Variants in OMA1 observed in about 807,000 individuals in gnomAD.
The protein encoded by OMA1 is metalloendopeptidase OMA1, mitochondrial.
A neutral mutation model predicts 30.9 loss-of-function variants in OMA1; 38 were observed. The observed-to-expected ratio is 1.23, with a 90% confidence interval of 0.95 to 1.61. The LOEUF (loss-of-function observed/expected upper bound fraction) is 1.61. Ranked by LOEUF, OMA1 falls within the 40% of genes most tolerant of loss-of-function variation. OMA1 has a pLI of 0.00. For synonymous variants in OMA1, 173 were observed against 121.9 expected (o/e 1.42, Z -2.76); for missense variants, 461 against 349.2 (o/e 1.32, Z -2.55).
intron 8 of OMA1, among the ~76,000 whole-genome samples, chr1:58,487,991 A>G (rs763410875): frequency 6.6e-6 from 1 of 152,084 alleles, no homozygotes; most frequent in Non-Finnish European, 1.5e-5. Flanking sequence ...AGAATCAACT[A>G]CTGTCATTTT....
At chr1:58,541,794 GATAA>G (rs1244379684) in intron 1 of OMA1, among the ~76,000 whole-genome samples, 1 of 152,046 alleles carries the variant, frequency 6.6e-6, no homozygotes, top group Non-Finnish European at 1.5e-5. Flanking sequence ...ATCTGTTCAT[GATAA>G]ATAAAACTCA....
At chr1:58,523,285 C>T (rs1423292917) in intron 7 of OMA1, among the ~76,000 whole-genome samples, 1 of 152,222 alleles carries the variant, frequency 6.6e-6, no homozygotes, top group Non-Finnish European at 1.5e-5. Flanking sequence ...TGGTCACGCA[C>T]AACATCTGGA....
Position 58,534,054 on chromosome 1 carries a change from G to T in OMA1, c.910C>A (p.Gln304Lys), listed in dbSNP as rs1371564544. The change falls in exon 5 of 9, where the codon CAA becomes AAA. Residue 304 changes from glutamine (Q) to lysine (K), a missense_variant. Gln to Lys is a moderately conservative substitution (Grantham distance 53). Transcript: ENST00000371226. ...AAAAATCCAGTGAAAACAAACATTT[G>T]TCCATTCTGCACCACAAAGAAAATA... ...IINAFVLPNG[Q>K]MFVFTGFLNS... is the part of the protein sequence containing the mutation. 1.1e-6 allele frequency: 1 copy of T among 870,378 alleles called. No homozygotes were observed. Among genetic ancestry groups the T allele is most frequent in the Non-Finnish European group, 2.0e-6 (1 of 501,136 alleles). The allele number at this position is 870,378 out of a possible 1,614,324, so 53.9% of individuals were successfully genotyped here. A position where few individuals can be genotyped will look rare whatever the true frequency, so the allele number is the denominator to read the frequency against.
chr1:58,512,596 A>G (rs1646096601), intron 7 of OMA1, among the ~76,000 whole-genome samples: 1 of 152,228 alleles, frequency 6.6e-6, no homozygotes, highest in South Asian at 2.1e-4. Flanking sequence ...CATATGCAAC[A>G]ATACGGATAA....
chr1:58,536,680 T>C lies in OMA1; in HGVS notation c.562A>G (p.Ile188Val), dbSNP rs199814412. The C allele has an allele frequency of 2.3e-5, 20 of 872,730 alleles. No homozygotes were observed. Among genetic ancestry groups the C allele is most frequent in the Non-Finnish European group, 3.6e-5 (18 of 501,624 alleles). The allele number at this position is 872,730 out of a possible 1,614,324, so 54.1% of individuals were successfully genotyped here. ...AATAGCTTCCATTTATTCTTCCTTA[T>C]ATTTTCTTTAACTACTTCCTTCTTG... ...PNKKEVVKEN[I>V]RKNKWKLFLG... Residue 188 changes from isoleucine to valine, a missense_variant, in exon 3 of 9, where the codon ATA becomes GTA. By Grantham distance (29) the Ile-to-Val change is conservative (BLOSUM62 3). Coordinates refer to ENST00000371226, the MANE Select transcript of OMA1 (RefSeq NM_145243.5).
chr1:58,512,864 T>C (rs1200432709), intron 7 of OMA1, among the ~76,000 whole-genome samples: 4 of 152,090 alleles, frequency 2.6e-5, no homozygotes, highest in African/African-American at 9.7e-5. Context: ...TGTTGTAAAA[T>C]TATAAATTTA....
Position 58,526,191 on chromosome 1 carries a change from A to G in OMA1, c.1215+1070T>C, listed in dbSNP as rs902794572. On this transcript the variant is annotated intron_variant, in intron 7 of 8. Transcript: ENST00000371226. The stretch of plus-strand genomic sequence containing the variant: ...AAATTAGGAAATTCTTAATACAGCC[A>G]ATCTGTGGCCCCCTTATGTGGGAAC... Among the ~76,000 whole-genome samples the G allele has an allele frequency of 2.6e-5, 4 of 152,094 alleles. No homozygotes were observed. In the South Asian group the frequency reaches 8.3e-4, roughly 31 times the overall value.
chr1:58,530,304 G>C (rs1187411642), intron 6 of OMA1, among the ~76,000 whole-genome samples: 3 of 152,238 alleles, frequency 2.0e-5, no homozygotes, highest in Non-Finnish European at 2.9e-5. Flanking sequence ...GGAAGGGTCA[G>C]TGGCTGGGTT....
intron 1 of OMA1, among the ~76,000 whole-genome samples, chr1:58,545,578 G>A (rs1056717988): frequency 3.3e-5 from 5 of 152,138 alleles, no homozygotes; most frequent in African/African-American, 7.2e-5. Flanking sequence ...ATAGCTGGCA[G>A]ACTTCTAGGA....
chr1:58,515,421 A>G (rs1293008225), intron 7 of OMA1, among the ~76,000 whole-genome samples: 2 of 152,152 alleles, frequency 1.3e-5, no homozygotes, highest in African/African-American at 2.4e-5. Context: ...AATATAATAA[A>G]TTAAGTTTTA....
rs1646113106 is a variant in OMA1, at chr1:58,513,505, T to C, written c.1216-7296A>G. Among the ~76,000 whole-genome samples the C allele has an allele frequency of 2.0e-5, 3 of 152,202 alleles. No individual in the cohort carries two copies. In the South Asian group the frequency reaches 6.2e-4, roughly 31 times the overall value. On this transcript the variant is annotated intron_variant, in intron 7 of 8. Transcript: ENST00000371226. Reference sequence around the variant, plus strand: ...AGTACACGAAGAAAGAATTAGACTCTAGGTAACCTTTCCTTCTTAAAAACA... The same window carrying C: ...AGTACACGAAGAAAGAATTAGACTCCAGGTAACCTTTCCTTCTTAAAAACA...
chr1:58,542,613 G>A (rs576002873), intron 1 of OMA1: 19 of 152,298 alleles, frequency 1.2e-4, no homozygotes, highest in African/African-American at 4.1e-4. Flanking sequence ...ATGGGAAAGT[G>A]TTTTAAGGTT....
chr1:58,491,850 G>T (rs1178405124), intron 8 of OMA1, among the ~76,000 whole-genome samples: 1 of 152,172 alleles, frequency 6.6e-6, no homozygotes, highest in East Asian at 1.9e-4. Flanking sequence ...ACATTAGACA[G>T]ATCAATGAGA....
chr1:58,501,301 G>T (rs1181592916), intron 8 of OMA1, among the ~76,000 whole-genome samples: 2 of 152,012 alleles, frequency 1.3e-5, no homozygotes, highest in Admixed American at 6.6e-5. Context: ...AGCAAGAAAG[G>T]AACTCATCTA....
chr1:58,490,251 C>T (rs1025538657), intron 8 of OMA1, among the ~76,000 whole-genome samples: 31 of 152,086 alleles, frequency 2.0e-4, no homozygotes, highest in Admixed American at 1.0e-3. Context: ...CCTTAAAGGA[C>T]CTGATGGAGC....
chr1:58,521,790 C>A (rs111357895), intron 7 of OMA1, among the ~76,000 whole-genome samples: 2 of 152,194 alleles, frequency 1.3e-5, no homozygotes, highest in Non-Finnish European at 2.9e-5. Flanking sequence ...ATGAAGAAAT[C>A]TTCAGGCCCA....
At chr1:58,532,555 T>C (rs760405743) in intron 5 of OMA1, among the ~76,000 whole-genome samples, 5 of 152,186 alleles carry the variant, frequency 3.3e-5, no homozygotes, top group Non-Finnish European at 5.9e-5. Flanking sequence ...TGAGACAGTG[T>C]CTCACTCTGT....
chr1:58,490,313 G>A (rs1257915821), intron 8 of OMA1, among the ~76,000 whole-genome samples: 2 of 152,032 alleles, frequency 1.3e-5, no homozygotes, highest in African/African-American at 2.4e-5. Context: ...CTCAGTAGCC[G>A]ATTCGATCAA....
intron 8 of OMA1, among the ~76,000 whole-genome samples, chr1:58,495,155 A>C (rs1557440896): frequency 6.6e-6 from 1 of 152,222 alleles, no homozygotes; most frequent in Non-Finnish European, 1.5e-5. Flanking sequence ...CATTCTCAGC[A>C]AACTATTGCA....
Sources: gnomAD v4.1 joint callset for allele counts (sites outside exome capture counted in the v4.1 genomes callset) on GRCh38, gnomAD v4.1.1 for gene constraint, MANE v1.5 for transcripts, NCBI Gene and HGNC (gene_info 2026-07-23, HGNC 2026-07-21) for gene names.